Variants in ZNF43 observed in about 807,000 individuals in gnomAD.
ZNF43 encodes zinc finger protein 43.
Under a neutral mutation model 68.4 loss-of-function variants are expected in ZNF43, and 44 were observed. That is an observed-to-expected ratio of 0.64 (90% CI 0.51 to 0.83). The LOEUF is 0.83. Among genes scored for constraint, ZNF43 ranks in the 40% least tolerant of loss-of-function variants. The probability of loss-of-function intolerance (pLI) is 0.00; values close to 1 mark genes in which losing one functional copy is unlikely to be tolerated. For synonymous variants in ZNF43, 308 were observed against 307.8 expected (o/e 1.00, Z -0.01); for missense variants, 896 against 933.2 (o/e 0.96, Z 0.52).
rs58951070 is a variant in ZNF43 at position 21,815,486 on chromosome 19, C to CATATATATATATATATATATATAT, written c.229+2401_229+2402insATATATATATATATATATATATAT. On this transcript the variant is annotated intron_variant, in intron 3 of 3. Coordinates refer to ENST00000354959, the MANE Select transcript of ZNF43 (RefSeq NM_003423.4). The stretch of plus-strand genomic sequence containing the variant: ...AAAGAATAGCCTTACAACTAAATTA[C>CATATATATATATATATATATATAT]ATATATATATATATATATATATTTT... Among the ~76,000 whole-genome samples the CATATATATATATATATATATATAT allele has an allele frequency of 5.1e-3, 708 of 139,346 alleles. 6 individuals are homozygous for CATATATATATATATATATATATAT. Among genetic ancestry groups the CATATATATATATATATATATATAT allele is most frequent in the South Asian group, 0.018 (77 of 4,230 alleles). 91.4% of individuals were successfully genotyped at this position (139,346 alleles called of 152,430 possible).
At chr19:21,820,930 T>G (rs935798681) in intron 1 of ZNF43, among the ~76,000 whole-genome samples, 7 of 150,012 alleles carry the variant, frequency 4.7e-5, no homozygotes, top group Admixed American at 6.7e-5. Flanking sequence ...GCCTCCCAGG[T>G]TCAAGCAATT....
chr19:21,814,656 C>T (rs1045448108), intron 3 of ZNF43, among the ~76,000 whole-genome samples: 2 of 151,968 alleles, frequency 1.3e-5, no homozygotes, highest in African/African-American at 4.8e-5. Flanking sequence ...GATCCATCTG[C>T]CTCAGCCTCT....
At chr19:21,844,896 CAAAAAAAAAAA>C (rs869257892) in intron 1 of ZNF43, among the ~76,000 whole-genome samples, 1 of 35,786 alleles carries the variant, frequency 2.8e-5, no homozygotes, top group African/African-American at 2.2e-4. Context: ...GATTCCGTCT[CAAAAAAAAAAA>C]AAAAAAAAAA....
upstream of ZNF43, chr19:21,836,206 GCCGCCCTGTCCTCTC>G: frequency 6.7e-7 from 1 of 1,502,634 alleles, no homozygotes. Context: ...CATCCCGGAA[GCCGCCCTGTCCTCTC>G]CTGCCCCGTG....
chr19:21,836,331 G>A (rs12461278), upstream of ZNF43: 21,885 of 1,081,060 alleles, frequency 0.02, 261 homozygotes, highest in Non-Finnish European at 0.022. Context: ...ACGCTGGGCT[G>A]AAAGAAGAAA....
chr19:21,823,010 G>A (rs890373418), intron 1 of ZNF43, among the ~76,000 whole-genome samples: 1 of 152,064 alleles, frequency 6.6e-6, no homozygotes, highest in African/African-American at 2.4e-5. Flanking sequence ...ATTTATTATT[G>A]TAAGATAAAT....
intron 1 of ZNF43, 110 bp downstream of exon 1, chr19:21,835,926 C>G: frequency 6.3e-7 from 1 of 1,576,542 alleles, no homozygotes; most frequent in Non-Finnish European, 8.7e-7. Context: ...GGATTGAGGC[C>G]GAGCTGGGCA....
rs111306180 is a variant in ZNF43, at chr19:21,835,897, G to A, written c.3+139C>T. 1.9e-4 allele frequency: 269 copies of A among 1,442,156 alleles called. 1 individual carries two copies. The Middle Eastern group carries it at 2.0e-3, about 11-fold the overall frequency. The allele number at this position is 1,442,156 out of a possible 1,614,324, so 89.3% of individuals were successfully genotyped here. A position where few individuals can be genotyped will look rare whatever the true frequency, so the allele number is the denominator to read the frequency against. On this transcript the variant is annotated intron_variant, in intron 1 of 3. Transcript: ENST00000354959. ...CCCGGGGCTGCCTCCCAGAGCAGCCGCCATCTTATGGCTGAAGGGGATTGA... is the reference window on the plus strand; with the variant it reads ...CCCGGGGCTGCCTCCCAGAGCAGCCACCATCTTATGGCTGAAGGGGATTGA...
chr19:21,839,463 C>T (rs918435116), upstream of ZNF43: 8 of 151,484 alleles, frequency 5.3e-5, no homozygotes, highest in African/African-American at 1.9e-4. Flanking sequence ...CTTGACTAAG[C>T]GATATGTTAC....
Position 21,809,407 on chromosome 19 carries a change from A to G in ZNF43, c.630T>C (p.Ala210=). 2 of 1,613,696 alleles carry G rather than the reference A, an allele frequency of 1.2e-6. No homozygotes were observed. Among genetic ancestry groups the G allele is most frequent in the African/African-American group, 2.7e-5 (2 of 75,000 alleles). ...TAGTGATGATTGAAGGGCAGTTAAA[A>G]GCTTTTCCACATTTTTCACATTTGC... The part of the protein sequence containing the change: ...NFCKCEKCGK[A]FNCPSIITKH... Residue 210 remains alanine (A), a synonymous_variant, in exon 4 of 4, where the codon GCT becomes GCC. Transcript: ENST00000354959.
chr19:21,828,744 A>G (rs941718637), intron 1 of ZNF43, among the ~76,000 whole-genome samples: 1 of 150,776 alleles, frequency 6.6e-6, no homozygotes, highest in African/African-American at 2.4e-5. Flanking sequence ...AGGAAAAAAA[A>G]AAAATACAGC....
In ZNF43 at chr19:21,821,908, T is replaced by C. The variant is rs2037860991; in HGVS notation, c.4-2687A>G. The stretch of plus-strand genomic sequence containing the variant: ...CACAGCTCTTGATCTGAGACATGTT[T>C]AGCTGAAAAAAAGCCATTTTTTTCT... On this transcript the variant is annotated intron_variant, in intron 1 of 3. Transcript: ENST00000354959. Among the ~76,000 whole-genome samples the C allele has an allele frequency of 2.0e-5, 3 of 152,098 alleles. No homozygotes were observed. In the East Asian group the frequency reaches 5.8e-4, roughly 29 times the overall value.
chr19:21,832,616 G>GTTCATGC (rs2038474713), intron 1 of ZNF43, among the ~76,000 whole-genome samples: 1 of 78,088 alleles, frequency 1.3e-5, no homozygotes, highest in African/African-American at 7.5e-5. Flanking sequence ...AGGCGCAGTG[G>GTTCATGC]CTCACTTTAG....
At chr19:21,833,107 C>G (rs1328013846) in intron 1 of ZNF43, among the ~76,000 whole-genome samples, 1 of 152,040 alleles carries the variant, frequency 6.6e-6, no homozygotes, top group Non-Finnish European at 1.5e-5. Context: ...TTTGTACAGC[C>G]AAATAAAATA....
chr19:21,834,771 TGGAAGGAAGGAA>T (rs113045492), intron 1 of ZNF43, among the ~76,000 whole-genome samples: 12 of 138,158 alleles, frequency 8.7e-5, no homozygotes, highest in South Asian at 4.6e-4. Flanking sequence ...GATGGAAAGA[TGGAAGGAAGGAA>T]GGAAGGAAGG....
intron 1 of ZNF43, among the ~76,000 whole-genome samples, chr19:21,830,639 C>A (rs1184262982): frequency 2.0e-5 from 3 of 146,698 alleles, no homozygotes; most frequent in Non-Finnish European, 4.5e-5. Flanking sequence ...CAATAAAAAA[C>A]CAGAATCAGA....
chr19:21,816,418 T>G (rs1293522588), intron 3 of ZNF43, among the ~76,000 whole-genome samples: 3 of 152,148 alleles, frequency 2.0e-5, no homozygotes, highest in Non-Finnish European at 4.4e-5. Context: ...GGAGTTTTCT[T>G]TTTCAGAAGG....
At position 21,809,654 on chromosome 19, in the gene ZNF43, CTG is replaced by C; in HGVS notation, c.381_382del (p.His127GlnfsTer5). 1.2e-6 allele frequency: 2 copies of C among 1,613,498 alleles called. No individual in the cohort carries two copies. The highest frequency in any genetic ancestry group is 1.7e-6 in the Non-Finnish European group (2 of 1,179,822). ...TTGGTTAAATCCATTATAACCTCCTCTGTGCACCTTACACTCATCCACACTTT... is the reference window on the plus strand; with the variant it reads ...TTGGTTAAATCCATTATAACCTCCTCTGCACCTTACACTCATCCACACTTT... On this transcript the variant is annotated frameshift_variant, in exon 4 of 4. Coordinates refer to ENST00000354959, the MANE Select transcript of ZNF43 (RefSeq NM_003423.4). LOFTEE classifies it high-confidence loss of function.
chr19:21,814,184 T>C (rs1015594986), intron 3 of ZNF43, among the ~76,000 whole-genome samples: 2 of 151,916 alleles, frequency 1.3e-5, no homozygotes. Context: ...ACCCTCAAAT[T>C]ACAAAAGTGT....
Sources: gnomAD v4.1 joint callset for allele counts (sites outside exome capture counted in the v4.1 genomes callset) on GRCh38, gnomAD v4.1.1 for gene constraint, MANE v1.5 for transcripts, NCBI Gene and HGNC (gene_info 2026-07-23, HGNC 2026-07-21) for gene names.